DNAH6: variants seen among roughly 807,000 people sequenced by gnomAD.
DNAH6 encodes axonemal beta dynein heavy chain 6.
Under a neutral mutation model 491.4 loss-of-function variants are expected in DNAH6, and 340 were observed. The ratio of observed to expected loss-of-function variants is 0.69; its 90% CI spans 0.63 to 0.76. The LOEUF is 0.76. DNAH6 is among the 30% of genes least tolerant of loss of function. The pLI is 0.00. For missense variants in DNAH6, 4,443 were observed against 4,972.2 expected (o/e 0.89, Z 3.20); for synonymous variants, 1,603 against 1,686.1 (o/e 0.95, Z 1.21).
At chr2:84,575,553 A>G (rs746163034) in intron 12 of DNAH6, among the ~76,000 whole-genome samples, 1 of 152,202 alleles carries the variant, frequency 6.6e-6, no homozygotes, top group African/African-American at 2.4e-5. Flanking sequence ...AGCAGTTTAG[A>G]TCTAATTTCT....
chr2:84,550,798 A>G (rs956270935), intron 9 of DNAH6, among the ~76,000 whole-genome samples: 1 of 152,204 alleles, frequency 6.6e-6, no homozygotes, highest in Admixed American at 6.5e-5. Context: ...ATAAACTGGC[A>G]GAGAGAAGCA....
At chr2:84,792,545 C>T (rs1475097156) in intron 68 of DNAH6, among the ~76,000 whole-genome samples, 1 of 151,968 alleles carries the variant, frequency 6.6e-6, no homozygotes, top group Non-Finnish European at 1.5e-5. Flanking sequence ...CCAATTATAC[C>T]TCAATAAAGG....
intron 68 of DNAH6, among the ~76,000 whole-genome samples, chr2:84,795,357 T>G (rs932326960): frequency 2.0e-5 from 3 of 152,098 alleles, no homozygotes; most frequent in African/African-American, 7.2e-5. Flanking sequence ...TTTAATCTGT[T>G]TAGTGCATAA....
intron 62 of DNAH6, among the ~76,000 whole-genome samples, 196 bp downstream of exon 62, chr2:84,733,775 T>G (rs1431087254): frequency 6.6e-6 from 1 of 151,474 alleles, no homozygotes; most frequent in East Asian, 1.9e-4. Context: ...TAATATTTCA[T>G]GTTTACTTTA....
chr2:84,742,295 A>G (rs1198958219), intron 62 of DNAH6, among the ~76,000 whole-genome samples: 8 of 152,168 alleles, frequency 5.3e-5, no homozygotes, highest in Non-Finnish European at 1.2e-4. Flanking sequence ...TTTTTGGTGT[A>G]TCTTAGTAGG....
At chr2:84,539,033 G>A (rs945529682) in intron 4 of DNAH6, among the ~76,000 whole-genome samples, 2 of 152,018 alleles carry the variant, frequency 1.3e-5, no homozygotes, top group African/African-American at 4.8e-5. Context: ...TCATTTTGAA[G>A]CCATATTATC....
At chr2:84,593,946 G>A (rs371461949) in intron 16 of DNAH6, 26 bp from the exon 17 acceptor site, 56 of 1,329,092 alleles carry the variant, frequency 4.2e-5, no homozygotes, top group Middle Eastern at 1.8e-4. Context: ...ACTAAATTAC[G>A]CATTTTGTTT....
chr2:84,491,955 C>T, the DNAH6 span, among the ~76,000 whole-genome samples: 1 of 152,114 alleles, frequency 6.6e-6, no homozygotes, highest in African/African-American at 2.4e-5. Context: ...TCAGGTCTTC[C>T]CCGTTGCGCC....
At chr2:84,575,064 C>T (rs1682288401) in intron 12 of DNAH6, among the ~76,000 whole-genome samples, 1 of 152,152 alleles carries the variant, frequency 6.6e-6, no homozygotes, top group South Asian at 2.1e-4. Flanking sequence ...GGCCTGGACT[C>T]CTAACCTCTG....
intron 24 of DNAH6, among the ~76,000 whole-genome samples, chr2:84,620,665 C>G (rs1470694115): frequency 1.3e-5 from 2 of 152,080 alleles, no homozygotes; most frequent in Admixed American, 1.3e-4. Flanking sequence ...TGAATTGATC[C>G]TCTTGCAAAA....
rs1573607135 is a variant in DNAH6, at chr2:84,722,847, T to G, written c.9972+43T>G. 5 of 1,184,380 alleles carry G rather than the reference T, an allele frequency of 4.2e-6. No individual in the cohort carries two copies. In the African/African-American group the frequency reaches 4.8e-5, roughly 11 times the overall value. 73.4% of individuals were successfully genotyped at this position (1,184,380 alleles called of 1,614,324 possible). On this transcript the variant is annotated intron_variant, in intron 60 of 76. Transcript: ENST00000389394. ...GTTAATGACAGTCATCTCTTTGGCC[T>G]CCATTACACCTGTTGAATTACTTCT...
intron 22 of DNAH6, among the ~76,000 whole-genome samples, chr2:84,613,255 T>C (rs1233878852): frequency 1.3e-5 from 2 of 151,678 alleles, no homozygotes; most frequent in African/African-American, 4.8e-5. Context: ...AAAGGGAGCA[T>C]TGTTAAAGGA....
the DNAH6 span, among the ~76,000 whole-genome samples, chr2:84,480,204 T>C: frequency 2.6e-5 from 4 of 152,240 alleles, no homozygotes; most frequent in Non-Finnish European, 4.4e-5. Flanking sequence ...TTTAATATTG[T>C]CTTCCAAATT....
intron 64 of DNAH6, among the ~76,000 whole-genome samples, chr2:84,763,899 G>A (rs559635722): frequency 1.3e-5 from 2 of 152,176 alleles, no homozygotes; most frequent in African/African-American, 4.8e-5. Flanking sequence ...CAGCAGGCTT[G>A]AGACACAAGA....
intron 50 of DNAH6, 101 bp downstream of exon 50, chr2:84,703,663 AAAATAATT>A: frequency 1.8e-6 from 2 of 1,109,742 alleles, no homozygotes; most frequent in South Asian, 5.4e-5. Flanking sequence ...ATATGTTATT[AAAATAATT>A]AAGTGATAGA....
At chr2:84,513,662 G>A (rs985851629), upstream of DNAH6, among the ~76,000 whole-genome samples, 3 of 151,362 alleles carry the variant, frequency 2.0e-5, no homozygotes, top group African/African-American at 4.9e-5. Context: ...TGTATGCTTG[G>A]GTTTTTTTTA....
At chr2:84,508,449 C>A in the DNAH6 span, among the ~76,000 whole-genome samples, 190 of 152,076 alleles carry the variant, frequency 1.2e-3, 2 homozygotes, top group Non-Finnish European at 2.3e-3. Context: ...CTATTTGATT[C>A]TTTTCTCTTT....
intron 14 of DNAH6, among the ~76,000 whole-genome samples, 183 bp from the exon 15 acceptor site, chr2:84,583,789 GACTGTGAGTCCTCCCCAGCCATGTGGA>G (rs1683277322): frequency 6.7e-6 from 1 of 148,800 alleles, no homozygotes; most frequent in South Asian, 2.1e-4. Flanking sequence ...CTTTAGCCGT[GACTGTGAGTCCTCCCCAGCCATGTGGA>G]ACTGTGAGTC....
chr2:84,527,326 A>G (rs148003677), intron 3 of DNAH6, among the ~76,000 whole-genome samples: 97 of 152,256 alleles, frequency 6.4e-4, no homozygotes, highest in Admixed American at 1.3e-3. Flanking sequence ...GCTGAAGAAC[A>G]CAGCAGAACA....
Sources: allele counts gnomAD v4.1 joint callset (sites outside exome capture counted in the v4.1 genomes callset), GRCh38; gene constraint gnomAD v4.1.1; transcripts MANE v1.5; gene names NCBI Gene and HGNC (gene_info 2026-07-23, HGNC 2026-07-21).